ZNF609: variants seen among roughly 807,000 people sequenced by gnomAD.
ZNF609 encodes the protein zinc finger protein 609.
ZNF609 carries 11 observed loss-of-function variants against 109.5 expected under a neutral mutation model. The observed-to-expected ratio is 0.10, with a 90% CI of 0.06 to 0.17. The LOEUF (loss-of-function observed/expected upper bound fraction) is 0.17. Among genes scored for constraint, ZNF609 ranks in the 10% least tolerant of loss-of-function variants. The pLI is 1.00. For synonymous variants in ZNF609, 646 were observed against 662.0 expected (o/e 0.98, Z 0.37); for missense variants, 1,559 against 1,772.4 (o/e 0.88, Z 2.16).
At chr15:64,642,592 G>C (rs1247184653) in intron 3 of ZNF609, among the ~76,000 whole-genome samples, 1 of 152,086 alleles carries the variant, frequency 6.6e-6, no homozygotes, top group Admixed American at 6.5e-5. Context: ...CCAGGAGTTC[G>C]AGACCAGCCT....
chr15:64,664,346 A>C (rs985413284), intron 3 of ZNF609, among the ~76,000 whole-genome samples: 7 of 152,192 alleles, frequency 4.6e-5, no homozygotes, highest in African/African-American at 7.2e-5. Context: ...TGAGTACTCT[A>C]AAACTTAATA....
intron 2 of ZNF609, among the ~76,000 whole-genome samples, chr15:64,583,011 A>G (rs1661077096): frequency 6.6e-6 from 1 of 150,468 alleles, no homozygotes; most frequent in South Asian, 2.1e-4. Context: ...TCGGCCTTCC[A>G]AAGTGCTGGG....
At chr15:64,622,238 T>C (rs756672212) in intron 2 of ZNF609, among the ~76,000 whole-genome samples, 1 of 152,212 alleles carries the variant, frequency 6.6e-6, no homozygotes, top group East Asian at 1.9e-4. Context: ...CCAGCCCTGC[T>C]ATAACTTTAT....
rs567312398 is a variant in ZNF609 at position 64,610,740 on chromosome 15, T to C, written c.748-12087T>C. 3.3e-5 allele frequency among the ~76,000 whole-genome samples: 5 copies of C among 152,314 alleles called. No homozygotes were observed. In the East Asian group the frequency reaches 7.7e-4, roughly 23 times the overall value. ...GGAGAATCATCCCATTCCTCCTTCC[T>C]AAGCCACAGCAGAGCAAAATGTGAT... On this transcript the variant is annotated intron_variant, in intron 2 of 9. Transcript: ENST00000326648.
chr15:64,618,707 G>A (rs961170444), intron 2 of ZNF609, among the ~76,000 whole-genome samples: 4 of 152,104 alleles, frequency 2.6e-5, no homozygotes, highest in South Asian at 2.1e-4. Context: ...TTCGTTCCAC[G>A]GCCTGCTGGC....
At chr15:64,617,929 G>A (rs1895824071) in intron 2 of ZNF609, among the ~76,000 whole-genome samples, 1 of 152,186 alleles carries the variant, frequency 6.6e-6, no homozygotes, top group Non-Finnish European at 1.5e-5. Flanking sequence ...AGCCCTAGGA[G>A]CCATGATGGC....
intron 2 of ZNF609, among the ~76,000 whole-genome samples, chr15:64,523,548 G>C (rs568614881): frequency 6.6e-6 from 1 of 152,110 alleles, no homozygotes; most frequent in South Asian, 2.1e-4. Context: ...GGCTGAGGCG[G>C]GAGGATCAGG....
chr15:64,609,064 TTTTCTTTCTTTCTTTCTTTCTTTCTTTC>T (rs3057833), intron 2 of ZNF609, among the ~76,000 whole-genome samples: 2 of 119,032 alleles, frequency 1.7e-5, no homozygotes, highest in South Asian at 3.5e-4. Context: ...TAGTTTTAAT[TTTTCTTTCTTTCTTTCTTTCTTTCTTTC>T]TTTCTTTCTT....
chr15:64,618,234 C>T (rs938926004), intron 2 of ZNF609, among the ~76,000 whole-genome samples: 3 of 152,094 alleles, frequency 2.0e-5, no homozygotes, highest in African/African-American at 4.8e-5. Flanking sequence ...AAACTTTCCT[C>T]CTGAAATGGG....
intron 2 of ZNF609, among the ~76,000 whole-genome samples, chr15:64,622,496 T>A (rs531896067): frequency 6.6e-6 from 1 of 152,356 alleles, no homozygotes; most frequent in Non-Finnish European, 1.5e-5. Context: ...CTGGCCCTGA[T>A]TCTCTTTCAT....
At chr15:64,470,830 A>T (rs534347380) in intron 1 of ZNF609, among the ~76,000 whole-genome samples, 111 of 152,176 alleles carry the variant, frequency 7.3e-4, no homozygotes, top group Non-Finnish European at 1.5e-3. Flanking sequence ...TCTTTCAAGC[A>T]GTTTTAAGGA....
chr15:64,464,274 A>G (rs1283581349), intron 1 of ZNF609, among the ~76,000 whole-genome samples: 1 of 152,160 alleles, frequency 6.6e-6, no homozygotes, highest in Admixed American at 6.5e-5. Flanking sequence ...TATTTATTTG[A>G]CTCAGAACAC....
chr15:64,572,755 T>C (rs1266282652), intron 2 of ZNF609, among the ~76,000 whole-genome samples: 1 of 152,024 alleles, frequency 6.6e-6, no homozygotes, highest in Non-Finnish European at 1.5e-5. Context: ...TAGCCGGGCA[T>C]GGTGGCACAT....
chr15:64,572,266 T>TAGGC (rs1894870461), intron 2 of ZNF609, among the ~76,000 whole-genome samples: 1 of 152,154 alleles, frequency 6.6e-6, no homozygotes, highest in African/African-American at 2.4e-5. Context: ...GAAGCCGAAG[T>TAGGC]AGGCAGATCG....
At chr15:64,608,838 A>G (rs533429825) in intron 2 of ZNF609, among the ~76,000 whole-genome samples, 99 of 152,086 alleles carry the variant, frequency 6.5e-4, no homozygotes, top group Non-Finnish European at 1.3e-3. Flanking sequence ...TCCTGGGCCC[A>G]AGCGATCCTC....
At chr15:64,668,392 G>A (rs1414249324) in intron 3 of ZNF609, among the ~76,000 whole-genome samples, 1 of 152,142 alleles carries the variant, frequency 6.6e-6, no homozygotes, top group Admixed American at 6.5e-5. Context: ...AAACAACATG[G>A]TGATGAGTTC....
chr15:64,469,427 CAAAAAAAAAAA>C (rs34210041), intron 1 of ZNF609, among the ~76,000 whole-genome samples: 8 of 73,574 alleles, frequency 1.1e-4, no homozygotes, highest in East Asian at 4.6e-4. Context: ...ACCCTATTTC[CAAAAAAAAAAA>C]AAAAAAAAAA....
At chr15:64,562,872 AGTGTGTGTGTGTGTGTGTGTGT>A (rs6145601) in intron 2 of ZNF609, among the ~76,000 whole-genome samples, 1 of 148,980 alleles carries the variant, frequency 6.7e-6, no homozygotes, top group Non-Finnish European at 1.5e-5. Context: ...GGTAAGCGTG[AGTGTGTGTGTGTGTGTGTGTGT>A]GTGTGTGTGT....
intron 3 of ZNF609, among the ~76,000 whole-genome samples, chr15:64,649,875 A>G (rs1896389177): frequency 6.6e-6 from 1 of 152,180 alleles, no homozygotes; most frequent in South Asian, 2.1e-4. Context: ...TTCAAAGTAT[A>G]ATTTTTAATA....
Sources: allele counts gnomAD v4.1 joint callset (sites outside exome capture counted in the v4.1 genomes callset), GRCh38; gene constraint gnomAD v4.1.1; transcripts MANE v1.5; gene names NCBI Gene and HGNC (gene_info 2026-07-23, HGNC 2026-07-21).